MEF2C: variants seen among roughly 807,000 people sequenced by gnomAD.
MEF2C encodes myocyte enhancer factor 2C.
A neutral mutation model predicts 50.5 loss-of-function variants in MEF2C; 6 were observed. That is an observed-to-expected ratio of 0.12 (90% CI 0.07 to 0.23). The LOEUF is 0.23. Ranked by LOEUF, MEF2C falls within the 10% of genes least tolerant of loss-of-function variation. The probability of loss-of-function intolerance (pLI) is 1.00; values close to 1 mark genes in which losing one functional copy is unlikely to be tolerated. For synonymous variants in MEF2C, 183 were observed against 228.0 expected (o/e 0.80, Z 1.78); for missense variants, 276 against 605.0 (o/e 0.46, Z 5.70).
At chr5:88,851,233 C>CAAAAA (rs35458971) in intron 1 of MEF2C, among the ~76,000 whole-genome samples, 29 of 106,686 alleles carry the variant, frequency 2.7e-4, no homozygotes, top group African/African-American at 6.3e-4. Context: ...CTCCATCTCA[C>CAAAAA]AAAAAAAAAA....
At chr5:88,802,881 C>T (rs1240763593) in intron 3 of MEF2C, among the ~76,000 whole-genome samples, 1 of 152,220 alleles carries the variant, frequency 6.6e-6, no homozygotes, top group Non-Finnish European at 1.5e-5. Context: ...TTCCAATTGG[C>T]TCATTATGGA....
intron 6 of MEF2C, chr5:88,733,952 CT>C: frequency 2.0e-6 from 2 of 985,102 alleles, no homozygotes; most frequent in Non-Finnish European, 2.4e-6. Context: ...CCCAAATTTT[CT>C]TTACAGTAAA....
intron 1 of MEF2C, among the ~76,000 whole-genome samples, chr5:88,902,402 G>A (rs2548072): frequency 6.6e-6 from 1 of 151,798 alleles, no homozygotes; most frequent in East Asian, 1.9e-4. Context: ...GTATATTTGG[G>A]TTTTAATGTT....
intron 1 of MEF2C, among the ~76,000 whole-genome samples, chr5:88,849,331 A>G (rs761524920): frequency 1.3e-5 from 2 of 152,146 alleles, no homozygotes; most frequent in Non-Finnish European, 2.9e-5. Context: ...GATTTTGGCT[A>G]ATCTGTTGAA....
intron 3 of MEF2C, among the ~76,000 whole-genome samples, chr5:88,778,786 A>G (rs1786210799): frequency 6.6e-6 from 1 of 152,240 alleles, no homozygotes; most frequent in South Asian, 2.1e-4. Context: ...TCTAAAGTGA[A>G]AATTTCCCAA....
At chr5:88,841,881 T>C (rs549211499) in intron 1 of MEF2C, among the ~76,000 whole-genome samples, 1 of 152,308 alleles carries the variant, frequency 6.6e-6, no homozygotes, top group African/African-American at 2.4e-5. Flanking sequence ...GGGCTACGTT[T>C]TATTTTATCT....
At chr5:88,823,989 A>G in intron 1 of MEF2C, 59 bp from the exon 2 acceptor site, 2 of 1,306,880 alleles carry the variant, frequency 1.5e-6, no homozygotes, top group Non-Finnish European at 9.9e-7. Flanking sequence ...CATAAGAACT[A>G]TCATATTCTA....
chr5:88,812,686 C>A (rs1409266962), intron 2 of MEF2C, among the ~76,000 whole-genome samples: 1 of 152,064 alleles, frequency 6.6e-6, no homozygotes, highest in Non-Finnish European at 1.5e-5. Context: ...TTCTTTAGCA[C>A]AGTTTATCAT....
rs1364789624 is a variant in MEF2C at position 88,737,452 on chromosome 5, T to C, written c.638-5551A>G. 6.1e-6 allele frequency: 6 copies of C among 985,438 alleles called. 1 individual carries two copies. The highest frequency in any genetic ancestry group is 1.0e-3 in the Middle Eastern group (2 of 1,914). The allele number at this position is 985,438 out of a possible 1,614,324, so 61.0% of individuals were successfully genotyped here. A position where few individuals can be genotyped will look rare whatever the true frequency, so the allele number is the denominator to read the frequency against. On this transcript the variant is annotated intron_variant, in intron 6 of 10. Transcript: ENST00000504921. ...AATTAAACAAGTCAGACATTTTCCC[T>C]AATGAAAATGAAAAGTTGAAGTCTC...
chr5:88,721,375 T>C lies in MEF2C; in HGVS notation c.*1229A>G, dbSNP rs956561936. 2 of 152,616 alleles carry C rather than the reference T, an allele frequency of 1.3e-5. No homozygotes were observed. Among genetic ancestry groups the C allele is most frequent in the African/African-American group, 2.4e-5 (1 of 41,440 alleles). 9.5% of individuals were successfully genotyped at this position (152,616 alleles called of 1,614,324 possible). A position where few individuals can be genotyped will look rare whatever the true frequency, so the allele number is the denominator to read the frequency against. On this transcript the variant is annotated 3_prime_UTR_variant, in exon 11 of 11. Transcript: ENST00000504921. ...ATACAATGGATGTCAGTTGACCCAA[T>C]AGATTGCTAATGTATTAAAAACAAT...
chr5:88,810,630 G>A (rs1241216609), intron 2 of MEF2C, among the ~76,000 whole-genome samples: 1 of 152,066 alleles, frequency 6.6e-6, no homozygotes, highest in Admixed American at 6.6e-5. Flanking sequence ...GAGACTGGAT[G>A]GTAGTAATTT....
At chr5:88,858,893 C>T (rs1019237984) in intron 1 of MEF2C, among the ~76,000 whole-genome samples, 5 of 152,168 alleles carry the variant, frequency 3.3e-5, no homozygotes, top group Non-Finnish European at 7.3e-5. Context: ...AAGTTCTCCC[C>T]AGGAAGGTAG....
At chr5:88,846,061 A>G (rs1819209626) in intron 1 of MEF2C, among the ~76,000 whole-genome samples, 2 of 150,060 alleles carry the variant, frequency 1.3e-5, no homozygotes, top group South Asian at 4.2e-4. Context: ...AATAATATAT[A>G]CTTCAAGTCT....
intron 2 of MEF2C, among the ~76,000 whole-genome samples, chr5:88,806,575 A>G (rs1404827952): frequency 2.6e-5 from 4 of 152,136 alleles, no homozygotes; most frequent in Non-Finnish European, 5.9e-5. Context: ...GTTGACAAGG[A>G]CTGTGGACTA....
intron 1 of MEF2C, among the ~76,000 whole-genome samples, chr5:88,840,991 C>T (rs892387404): frequency 1.3e-5 from 2 of 152,116 alleles, no homozygotes; most frequent in Non-Finnish European, 2.9e-5. Flanking sequence ...ATACTCACGC[C>T]CTGAACTTTT....
At chr5:88,739,186 A>G (rs568905071) in intron 6 of MEF2C, 20 of 976,234 alleles carry the variant, frequency 2.0e-5, no homozygotes, top group South Asian at 1.4e-4. Flanking sequence ...ATATAAATGT[A>G]TAAAAATAAT....
chr5:88,879,627 C>G (rs1415101176), intron 1 of MEF2C, among the ~76,000 whole-genome samples: 1 of 151,946 alleles, frequency 6.6e-6, no homozygotes, highest in Non-Finnish European at 1.5e-5. Context: ...GCATTTAAGC[C>G]TTACAATACC....
chr5:88,775,508 A>T lies in MEF2C; in HGVS notation c.259-14180T>A, dbSNP rs1238195091. On this transcript the variant is annotated intron_variant, in intron 3 of 10. Coordinates refer to ENST00000504921, the MANE Select transcript of MEF2C (RefSeq NM_002397.5). Reference sequence around the variant, plus strand: ...TATTTTGCAAAGTGTACTATTACTGATACTGCATGCTAATCAAGGCCTATA... The same window carrying T: ...TATTTTGCAAAGTGTACTATTACTGTTACTGCATGCTAATCAAGGCCTATA... 2.0e-5 allele frequency among the ~76,000 whole-genome samples: 3 copies of T among 152,210 alleles called. No individual in the cohort carries two copies. In the East Asian group the frequency reaches 5.8e-4, roughly 29 times the overall value.
rs1490696028 is a variant in MEF2C at position 88,722,626 on chromosome 5, A to G, written c.1400T>C (p.Leu467Pro). The change falls in exon 11 of 11, where the codon CTT (leucine) becomes CCT (proline). Residue 467 changes from leucine to proline, a missense_variant. By Grantham distance (98) the Leu-to-Pro change is moderately conservative (BLOSUM62 -3). Around this residue, in one of 2 missense-constraint regions of MEF2C, gnomAD observed 256 missense variants for 468.1 expected, o/e 0.55. Transcript: ENST00000504921. ...RESPSVKRMR[L>P]SEGWAT is the part of the protein sequence containing the mutation. ...TGATCATGTTGCCCATCCTTCAGAAAGTCGCATGCGCTTGACTGAGGGACT... is the reference window on the plus strand; with the variant it reads ...TGATCATGTTGCCCATCCTTCAGAAGGTCGCATGCGCTTGACTGAGGGACT... 1 of 1,611,702 alleles carries G rather than the reference A, an allele frequency of 6.2e-7. No homozygotes were observed. Among genetic ancestry groups the G allele is most frequent in the East Asian group, 2.2e-5 (1 of 44,818 alleles).
Sources: allele counts gnomAD v4.1 joint callset (sites outside exome capture counted in the v4.1 genomes callset), GRCh38; gene constraint gnomAD v4.1.1; regional missense constraint gnomAD v4.1.1; transcripts MANE v1.5; gene names NCBI Gene and HGNC (gene_info 2026-07-23, HGNC 2026-07-21).